Variants in CTPS1 observed in about 807,000 individuals in gnomAD.
CTPS1 encodes CTP synthase 1.
In CTPS1, 25 loss-of-function variants were observed where a neutral mutation model predicts 80.5. That is an observed-to-expected ratio of 0.31 (90% confidence interval 0.23 to 0.43). The LOEUF (loss-of-function observed/expected upper bound fraction) is 0.43. Among genes scored for constraint, CTPS1 ranks in the 20% least tolerant of loss-of-function variants. CTPS1 has a pLI of 1.00. For missense variants in CTPS1, 442 were observed against 725.7 expected (o/e 0.61, Z 4.49); for synonymous variants, 267 against 252.5 (o/e 1.06, Z -0.54).
chr1:41,008,549 A>G, intron 14 of CTPS1, 110 bp from the exon 15 acceptor site: 1 of 1,166,346 alleles, frequency 8.6e-7, no homozygotes, highest in Non-Finnish European at 1.3e-6. Flanking sequence ...TAGCCCTCAA[A>G]AGACCTGGCT....
chr1:41,011,303 T>G (rs1643166356), intron 18 of CTPS1, among the ~76,000 whole-genome samples: 1 of 152,162 alleles, frequency 6.6e-6, no homozygotes. Flanking sequence ...TTCACAGTCT[T>G]AAGGAGCTGA....
intron 1 of CTPS1, among the ~76,000 whole-genome samples, chr1:40,982,993 G>T (rs1297094389): frequency 6.6e-6 from 1 of 152,194 alleles, no homozygotes; most frequent in Non-Finnish European, 1.5e-5. Context: ...GGTTTTATTA[G>T]GTTGACTCTG....
intron 5 of CTPS1, among the ~76,000 whole-genome samples, chr1:40,990,520 C>T (rs1000515586): frequency 2.6e-5 from 4 of 152,142 alleles, no homozygotes; most frequent in African/African-American, 9.6e-5. Flanking sequence ...CATGGTGGCT[C>T]ACACCTGTTA....
At chr1:40,979,855 G>GGGGATCTGTTCTCCCGCGC (rs1338903480) in intron 1 of CTPS1, 26 bp downstream of exon 1, 13 of 152,222 alleles carry the variant, frequency 8.5e-5, no homozygotes, top group African/African-American at 3.1e-4. Flanking sequence ...GGATCCCGGG[G>GGGGATCTGTTCTCCCGCGC]GGGATCTGTT....
At chr1:40,993,776 T>C (rs947653272) in intron 7 of CTPS1, among the ~76,000 whole-genome samples, 6 of 127,200 alleles carry the variant, frequency 4.7e-5, no homozygotes, top group African/African-American at 1.2e-4. Flanking sequence ...TCTTCTCTCT[T>C]TTTTTTTTTT....
At chr1:41,002,597 C>T (rs2148413124) in intron 11 of CTPS1, among the ~76,000 whole-genome samples, 1 of 152,308 alleles carries the variant, frequency 6.6e-6, no homozygotes, top group South Asian at 2.1e-4. Context: ...AATGATTTTG[C>T]ATGCCTCCTG....
At chr1:40,981,871 G>C (rs1050525896) in intron 1 of CTPS1, 1 of 594,756 alleles carries the variant, frequency 1.7e-6, no homozygotes. Context: ...CTCTGGGGAG[G>C]GGGTGGGGCG....
At chr1:40,987,510 A>C in intron 4 of CTPS1, 38 bp downstream of exon 4, 13 of 1,415,096 alleles carry the variant, frequency 9.2e-6, no homozygotes, top group African/African-American at 1.4e-5. Context: ...AAGTGTACTC[A>C]TCTCCTTAGT....
At chr1:41,004,694 G>A (rs976842869) in intron 12 of CTPS1, among the ~76,000 whole-genome samples, 1 of 152,346 alleles carries the variant, frequency 6.6e-6, no homozygotes. Context: ...GAAAGGTTGA[G>A]TTGAAATCAG....
At chr1:40,988,792 G>C (rs772419677) in intron 5 of CTPS1, 82 bp downstream of exon 5, 1 of 901,006 alleles carries the variant, frequency 1.1e-6, no homozygotes, top group Non-Finnish European at 1.8e-6. Context: ...TTCACTCATT[G>C]TCTAGTAGTT....
intron 7 of CTPS1, among the ~76,000 whole-genome samples, chr1:40,993,899 C>T (rs1642684090): frequency 6.6e-6 from 1 of 151,464 alleles, no homozygotes; most frequent in Admixed American, 6.6e-5. Flanking sequence ...CTGCCTCAGC[C>T]TCCTGAGTAG....
chr1:41,004,129 G>A (rs1642974763), intron 12 of CTPS1: 2 of 152,272 alleles, frequency 1.3e-5, no homozygotes, highest in Admixed American at 1.3e-4. Context: ...TGAGCATGCT[G>A]CACTGGGGCC....
intron 7 of CTPS1, 36 bp downstream of exon 7, chr1:40,991,881 T>G: frequency 6.7e-7 from 1 of 1,484,894 alleles, no homozygotes; most frequent in Non-Finnish European, 9.4e-7. Context: ...AAGTTGTTTT[T>G]TGCTTCTAAT....
chr1:40,997,235 C>A (rs1642776618), intron 8 of CTPS1, 159 bp from the exon 9 acceptor site: 1 of 771,214 alleles, frequency 1.3e-6, no homozygotes. Context: ...GGCTCAAGAT[C>A]CCCCCGCCTC....
rs1238327447 is a variant in CTPS1 at position 40,996,154 on chromosome 1, T to C, written c.872+86T>C. 2.0e-6 allele frequency: 3 copies of C among 1,484,812 alleles called. No individual in the cohort carries two copies. The African/African-American group carries it at 4.2e-5, about 21-fold the overall frequency. 92.0% of individuals were successfully genotyped at this position (1,484,812 alleles called of 1,614,324 possible). A position where few individuals can be genotyped will look rare whatever the true frequency, so the allele number is the denominator to read the frequency against. Reference sequence around the variant, plus strand: ...AAGCCGACTCTAGCCCTAGCACTTTTGTACTTTTGCACTTCTGCCATCCAC... The same window carrying C: ...AAGCCGACTCTAGCCCTAGCACTTTCGTACTTTTGCACTTCTGCCATCCAC... On this transcript the variant is annotated intron_variant, in intron 8 of 18. Transcript: ENST00000650070.
chr1:41,007,582 T>C lies in CTPS1; in HGVS notation c.1393+37T>C, dbSNP rs377194301. ...CTCACGCTGGCCCAGCCTTTGGCTCTGCGTGCCCAGGACGCGTGTCTTAGG... is the reference window on the plus strand; with the variant it reads ...CTCACGCTGGCCCAGCCTTTGGCTCCGCGTGCCCAGGACGCGTGTCTTAGG... On this transcript the variant is annotated intron_variant, in intron 14 of 18. Transcript: ENST00000650070. This position sits in a 1 kb window ranked among gnomAD's most constrained non-coding sequence, Gnocchi z 4.4. The C allele has an allele frequency of 4.0e-5, 63 of 1,579,118 alleles. No individual in the cohort carries two copies. The East Asian group carries it at 6.9e-4, about 17-fold the overall frequency.
chr1:41,007,347 T>G lies in CTPS1; in HGVS notation c.1297-102T>G. ...GTCTCATAAGGAAAGCCTGGAGAAT[T>G]AGAGCTTACTTACAAGCCTTTGCCA... On this transcript the variant is annotated intron_variant, in intron 13 of 18. Coordinates refer to ENST00000650070, the MANE Select transcript of CTPS1 (RefSeq NM_001905.4). This position sits in a 1 kb window ranked among gnomAD's most constrained non-coding sequence, Gnocchi z 4.4. 12 of 924,194 alleles carry G rather than the reference T, an allele frequency of 1.3e-5. No homozygotes were observed. Among genetic ancestry groups the G allele is most frequent in the Non-Finnish European group, 2.0e-5 (12 of 586,474 alleles). The allele number at this position is 924,194 out of a possible 1,614,324, so 57.2% of individuals were successfully genotyped here.
At chr1:41,003,358 G>C (rs767932820) in intron 12 of CTPS1, among the ~76,000 whole-genome samples, 182 bp downstream of exon 12, 3 of 152,158 alleles carry the variant, frequency 2.0e-5, no homozygotes, top group Non-Finnish European at 4.4e-5. Flanking sequence ...CCTCCATGCA[G>C]GAAGGAGGGA....
chr1:40,998,964 C>T (rs957344468), intron 9 of CTPS1, among the ~76,000 whole-genome samples: 2 of 152,168 alleles, frequency 1.3e-5, no homozygotes, highest in Non-Finnish European at 2.9e-5. Context: ...TTATTTTATC[C>T]ACTTGGAGTT....
Sources: gnomAD v4.1 joint callset for allele counts (sites outside exome capture counted in the v4.1 genomes callset) on GRCh38, gnomAD v4.1.1 for gene constraint, Gnocchi (gnomAD v3.1) non-coding constraint, MANE v1.5 for transcripts, NCBI Gene and HGNC (gene_info 2026-07-23, HGNC 2026-07-21) for gene names.